The following ZFHX4 variants were observed in gnomAD, a reference collection of about 807,000 sequenced individuals.
ZFHX4 encodes the protein zinc finger homeobox 4.
ZFHX4 carries 56 observed loss-of-function variants against 267.6 expected under a neutral mutation model. That is an observed-to-expected ratio of 0.21 (90% CI 0.17 to 0.26). The LOEUF is 0.26. Ranked by LOEUF, ZFHX4 falls within the 10% of genes least tolerant of loss-of-function variation. The pLI is 1.00. For missense variants in ZFHX4, 4,332 were observed against 4,420.0 expected (o/e 0.98, Z 0.56); for synonymous variants, 1,778 against 1,665.6 (o/e 1.07, Z -1.64).
At chr8:76,739,070 A>T (rs900229948) in intron 3 of ZFHX4, among the ~76,000 whole-genome samples, 2 of 152,080 alleles carry the variant, frequency 1.3e-5, no homozygotes, top group African/African-American at 4.8e-5. Context: ...TTATGCAGGA[A>T]CCATGATTTA....
chr8:76,804,550 A>G (rs887815130), intron 4 of ZFHX4, among the ~76,000 whole-genome samples: 7 of 152,082 alleles, frequency 4.6e-5, no homozygotes, highest in African/African-American at 1.4e-4. Flanking sequence ...AGAAAAATAC[A>G]TATATATTAT....
intron 3 of ZFHX4, among the ~76,000 whole-genome samples, chr8:76,716,213 T>C (rs1808568095): frequency 6.6e-6 from 1 of 152,174 alleles, no homozygotes. Context: ...CTATATAAAA[T>C]TTATGGGATA....
At chr8:76,844,585 C>G (rs1812318306) in intron 6 of ZFHX4, among the ~76,000 whole-genome samples, 1 of 152,098 alleles carries the variant, frequency 6.6e-6, no homozygotes, top group South Asian at 2.1e-4. Flanking sequence ...CTCAATCACT[C>G]CCTAATGGGC....
At chr8:76,781,687 T>C (rs546872569) in intron 4 of ZFHX4, among the ~76,000 whole-genome samples, 2 of 152,222 alleles carry the variant, frequency 1.3e-5, no homozygotes, top group South Asian at 4.1e-4. Context: ...TTTCTAGTGA[T>C]ATTTAAATGT....
At chr8:76,782,071 C>T in intron 4 of ZFHX4, 7 of 367,504 alleles carry the variant, frequency 1.9e-5, no homozygotes, top group East Asian at 7.6e-5. Flanking sequence ...AAATGGTAGC[C>T]AAAGCTGGAT....
Position 76,778,403 on chromosome 8 carries a change from A to G in ZFHX4, c.3289A>G (p.Ile1097Val). The change falls in exon 4 of 11, where the codon ATC becomes GTC. Residue 1097 changes from isoleucine to valine, a missense_variant. Ile to Val is a conservative substitution (Grantham distance 29). This residue lies in a region of ZFHX4 where 1,371 missense variants were observed against 1,423.1 expected (regional missense o/e 0.96). Coordinates refer to ENST00000651372, the MANE Select transcript of ZFHX4 (RefSeq NM_024721.5). Reference protein sequence around the residue: ...LAPEEDNLSEIFFVKDCPPNE... With the variant: ...LAPEEDNLSEVFFVKDCPPNE... ...ACCAGAGGAGGACAACCTCAGTGAG[A>G]TCTTTTTTGTTAAAGATTGCCCACC... The G allele has an allele frequency of 6.2e-7, 1 of 1,613,780 alleles. No homozygotes were observed. Among genetic ancestry groups the G allele is most frequent in the Non-Finnish European group, 8.5e-7 (1 of 1,179,812 alleles).
intron 6 of ZFHX4, among the ~76,000 whole-genome samples, chr8:76,846,287 T>A (rs1221256440): frequency 6.6e-6 from 1 of 152,074 alleles, no homozygotes; most frequent in Non-Finnish European, 1.5e-5. Flanking sequence ...CACATCTCAA[T>A]ATTCTCTACT....
At chr8:76,840,399 A>C (rs898965352) in intron 5 of ZFHX4, among the ~76,000 whole-genome samples, 3 of 152,186 alleles carry the variant, frequency 2.0e-5, no homozygotes, top group Admixed American at 6.5e-5. Flanking sequence ...AACTGTTGCC[A>C]GGGTCAGGCT....
chr8:76,730,019 G>A (rs959649876), intron 3 of ZFHX4, among the ~76,000 whole-genome samples: 5 of 152,150 alleles, frequency 3.3e-5, no homozygotes, highest in African/African-American at 1.2e-4. Context: ...TCAAAGCAAC[G>A]AAGGAGAACT....
chr8:76,859,819 T>G (rs552268052), intron 10 of ZFHX4, among the ~76,000 whole-genome samples: 2 of 152,140 alleles, frequency 1.3e-5, no homozygotes, highest in Non-Finnish European at 2.9e-5. Flanking sequence ...GGGACCTCAG[T>G]CAAAGAAACT....
intron 1 of ZFHX4, among the ~76,000 whole-genome samples, chr8:76,700,720 T>C (rs1808080287): frequency 6.6e-6 from 1 of 152,180 alleles, no homozygotes; most frequent in Non-Finnish European, 1.5e-5. Context: ...CCAAAAAATG[T>C]GTATGTGCAC....
intron 3 of ZFHX4, among the ~76,000 whole-genome samples, chr8:76,713,636 A>G (rs1346340139): frequency 6.6e-6 from 1 of 152,162 alleles, no homozygotes; most frequent in Non-Finnish European, 1.5e-5. Flanking sequence ...ATGTTGCAAG[A>G]TTACCTATCT....
At position 76,854,741 on chromosome 8, in the gene ZFHX4, G is replaced by T; in HGVS notation, c.7820G>T (p.Arg2607Leu). ...NSGEDQHRDK[R>L]LRTTITPEQL... ...GGTGAAGACCAACACCGAGATAAAC[G>T]CTTGAGAACCACGATCACCCCGGAA... is the stretch of plus-strand genomic sequence containing the variant. The change falls in exon 10 of 11, where the codon CGC (arginine) becomes CTC (leucine). Residue 2607 changes from arginine (R) to leucine (L), a missense_variant. By Grantham distance (102) the Arg-to-Leu change is moderately radical. Around this residue, in one of 7 missense-constraint regions of ZFHX4, gnomAD observed 1,648 missense variants for 1,625.0 expected, o/e 1.01. Transcript: ENST00000651372. 6.2e-7 allele frequency: 1 copy of T among 1,612,304 alleles called. No individual in the cohort carries two copies. Among genetic ancestry groups the T allele is most frequent in the East Asian group, 2.2e-5 (1 of 44,824 alleles).
At chr8:76,858,082 G>T (rs1472076255) in intron 10 of ZFHX4, among the ~76,000 whole-genome samples, 1 of 152,188 alleles carries the variant, frequency 6.6e-6, no homozygotes. Flanking sequence ...GGTGGTCAAA[G>T]CATCTTGTTT....
chr8:76,730,983 C>T (rs1229400148), intron 3 of ZFHX4, among the ~76,000 whole-genome samples: 1 of 152,118 alleles, frequency 6.6e-6, no homozygotes, highest in Admixed American at 6.6e-5. Context: ...AGGTGTCTTT[C>T]CCAGGATCAT....
intron 1 of ZFHX4, among the ~76,000 whole-genome samples, chr8:76,702,810 G>C (rs766792535): frequency 2.6e-5 from 4 of 152,256 alleles, no homozygotes; most frequent in Middle Eastern, 3.4e-3. Flanking sequence ...TCAAGACAGT[G>C]CCTATGTTAC....
At position 76,864,422 on chromosome 8, in the gene ZFHX4, A is replaced by C; in HGVS notation, c.10708A>C (p.Thr3570Pro). The change falls in exon 11 of 11, where the codon ACA becomes CCA. Residue 3570 changes from threonine to proline, a missense_variant. Thr to Pro is a conservative substitution (Grantham distance 38). Around this residue, in one of 7 missense-constraint regions of ZFHX4, gnomAD observed 1,648 missense variants for 1,625.0 expected, o/e 1.01. Coordinates refer to ENST00000651372, the MANE Select transcript of ZFHX4 (RefSeq NM_024721.5). ...CTCAGGGGTTCAAACCTCACTACCC[A>C]CAGAAAGTTGTTCAGATGAGTCTGA... The part of the protein sequence containing the change: ...STSGVQTSLP[T>P]ESCSDESDSE... The C allele has an allele frequency of 1.9e-6, 3 of 1,613,680 alleles. No individual in the cohort carries two copies. The highest frequency in any genetic ancestry group is 1.7e-5 in the Admixed American group (1 of 59,976).
At chr8:76,747,058 G>A (rs1809477296) in intron 3 of ZFHX4, among the ~76,000 whole-genome samples, 1 of 152,044 alleles carries the variant, frequency 6.6e-6, no homozygotes, top group Non-Finnish European at 1.5e-5. Flanking sequence ...TTCTGCATTT[G>A]CAGGGTTTCC....
At chr8:76,746,899 G>A (rs1242874675) in intron 3 of ZFHX4, among the ~76,000 whole-genome samples, 1 of 152,088 alleles carries the variant, frequency 6.6e-6, no homozygotes, top group African/African-American at 2.4e-5. Context: ...CCGCAAACTC[G>A]ACTAATGGAT....
Sources: gnomAD v4.1 joint callset for allele counts (sites outside exome capture counted in the v4.1 genomes callset) on GRCh38, gnomAD v4.1.1 for gene constraint, gnomAD v4.1.1 regional missense constraint, MANE v1.5 for transcripts, NCBI Gene and HGNC (gene_info 2026-07-23, HGNC 2026-07-21) for gene names.